Variants in GPM6B observed in about 807,000 individuals in gnomAD.
GPM6B encodes neuronal membrane glycoprotein M6-b.
A neutral mutation model predicts 27.2 loss-of-function variants in GPM6B; 4 were observed. That is an observed-to-expected ratio of 0.15 (90% CI 0.07 to 0.34). GPM6B has a LOEUF of 0.34. Ranked by LOEUF, GPM6B falls within the 10% of genes least tolerant of loss-of-function variation. The pLI is 1.00. For missense variants in GPM6B, 183 were observed against 261.9 expected (o/e 0.70, Z 2.08); for synonymous variants, 124 against 103.1 (o/e 1.20, Z -1.23).
chrX:13,847,416 C>G (rs944272437), intron 1 of GPM6B, among the ~76,000 whole-genome samples: 1 of 112,023 alleles, frequency 8.9e-6, no homozygotes, highest in Non-Finnish European at 1.9e-5. Flanking sequence ...GTATTAATAC[C>G]TCCATCTAAA....
chrX:13,807,167 C>G (rs901400779), intron 2 of GPM6B, among the ~76,000 whole-genome samples: 3 of 112,258 alleles, frequency 2.7e-5, no homozygotes, highest in Non-Finnish European at 5.6e-5. Flanking sequence ...TTCTCTTTCT[C>G]AAAGGCAATG....
intron 1 of GPM6B, among the ~76,000 whole-genome samples, chrX:13,914,799 C>G (rs2050412356): frequency 1.8e-5 from 2 of 112,290 alleles, no homozygotes; most frequent in Admixed American, 1.9e-4. Context: ...TTCAAGCCAC[C>G]TGGCAGCCAA....
At chrX:13,774,531 C>T in intron 7 of GPM6B, 1 of 1,206,158 alleles carries the variant, frequency 8.3e-7, no homozygotes, top group East Asian at 3.0e-5. Context: ...CTCTCTAAAA[C>T]TCCTTATGCA....
At chrX:13,860,049 C>G (rs948389764) in intron 1 of GPM6B, among the ~76,000 whole-genome samples, 1 of 112,140 alleles carries the variant, frequency 8.9e-6, no homozygotes, top group Non-Finnish European at 1.9e-5. Context: ...TGATATCACA[C>G]AGTAGTGACA....
chrX:13,908,311 C>T (rs1167408644), intron 1 of GPM6B, among the ~76,000 whole-genome samples: 2 of 111,793 alleles, frequency 1.8e-5, no homozygotes, highest in African/African-American at 6.5e-5. Flanking sequence ...CATCATGTGC[C>T]CCCTTATATG....
chrX:13,846,192 C>A (rs1049292194), intron 1 of GPM6B, among the ~76,000 whole-genome samples: 2 of 110,574 alleles, frequency 1.8e-5, no homozygotes, highest in Admixed American at 1.9e-4. Context: ...CTACGAAATT[C>A]TGAATTCCCA....
intron 1 of GPM6B, among the ~76,000 whole-genome samples, chrX:13,825,866 T>C (rs1157940802): frequency 9.0e-6 from 1 of 111,309 alleles, no homozygotes; most frequent in Admixed American, 9.5e-5. Context: ...CCGGTGAAGA[T>C]GGACAGATGA....
upstream of GPM6B, among the ~76,000 whole-genome samples, chrX:13,822,080 A>AG (rs2049313978): frequency 9.0e-6 from 1 of 111,627 alleles, no homozygotes; most frequent in Non-Finnish European, 1.9e-5. Context: ...AGGACTCCTC[A>AG]GGGGGCAGTC....
upstream of GPM6B, among the ~76,000 whole-genome samples, chrX:13,821,986 C>G (rs1019413121): frequency 1.8e-5 from 2 of 111,978 alleles, no homozygotes; most frequent in Non-Finnish European, 3.8e-5. Context: ...CATCCTTATC[C>G]TAGTCACATA....
chrX:13,827,929 C>A (rs370982114), intron 1 of GPM6B, among the ~76,000 whole-genome samples: 1 of 111,287 alleles, frequency 9.0e-6, no homozygotes, highest in South Asian at 3.9e-4. Context: ...GAAATAGAGT[C>A]AATGTGTGGA....
chrX:13,880,675 C>CGAAAAAAAAAA (rs2050087171), intron 1 of GPM6B, among the ~76,000 whole-genome samples: 1 of 46,649 alleles, frequency 2.1e-5, no homozygotes, highest in East Asian at 1.6e-3. Context: ...GGCTCCATCT[C>CGAAAAAAAAAA]AAAAAAAAAA....
chrX:13,877,013 G>A (rs1393413802), intron 1 of GPM6B, among the ~76,000 whole-genome samples: 1 of 111,077 alleles, frequency 9.0e-6, no homozygotes, highest in Non-Finnish European at 1.9e-5. Flanking sequence ...GTGTATTTCA[G>A]TATCATTGCA....
upstream of GPM6B, chrX:13,938,459 G>A (rs747751343): frequency 8.9e-5 from 77 of 869,166 alleles, no homozygotes; most frequent in Non-Finnish European, 5.6e-5. Context: ...CTCCCGGGGC[G>A]GGGGCGCGAG....
intron 1 of GPM6B, among the ~76,000 whole-genome samples, chrX:13,843,764 TTA>T (rs1284407386): frequency 8.9e-6 from 1 of 112,237 alleles, no homozygotes; most frequent in East Asian, 2.8e-4. Context: ...TCCTTTATTT[TTA>T]TTTTGGGTTG....
At chrX:13,781,700 G>A (rs1299884363) in intron 4 of GPM6B, among the ~76,000 whole-genome samples, 1 of 111,512 alleles carries the variant, frequency 9.0e-6, no homozygotes, top group African/African-American at 3.3e-5. Flanking sequence ...GCTTCGAGTT[G>A]TCCCCACCTT....
chrX:13,820,928 T>C (rs1431698388), upstream of GPM6B, among the ~76,000 whole-genome samples: 3 of 109,940 alleles, frequency 2.7e-5, no homozygotes, highest in East Asian at 5.6e-4. Context: ...ACCTTTTAAA[T>C]GTAAAGGTAA....
intron 1 of GPM6B, among the ~76,000 whole-genome samples, chrX:13,907,325 G>A (rs1371849913): frequency 8.9e-6 from 1 of 111,981 alleles, no homozygotes; most frequent in African/African-American, 3.2e-5. Flanking sequence ...GCTAGTGAGG[G>A]GTAATACCAG....
chrX:13,870,168 A>G (rs1299375631), intron 1 of GPM6B, among the ~76,000 whole-genome samples: 3 of 112,064 alleles, frequency 2.7e-5, no homozygotes, highest in Non-Finnish European at 5.6e-5. Context: ...TGGGGGGCAA[A>G]TGGTATTGAT....
chrX:13,932,126 G>T (rs1339412849), intron 1 of GPM6B, among the ~76,000 whole-genome samples: 2 of 111,727 alleles, frequency 1.8e-5, no homozygotes, highest in Non-Finnish European at 3.8e-5. Flanking sequence ...ACAGGGTAAT[G>T]ACCAAGTTAT....
Sources: gnomAD v4.1 joint callset for allele counts (sites outside exome capture counted in the v4.1 genomes callset) on GRCh38, gnomAD v4.1.1 for gene constraint, MANE v1.5 for transcripts, NCBI Gene and HGNC (gene_info 2026-07-23, HGNC 2026-07-21) for gene names.